SPATA6: variants seen among roughly 807,000 people sequenced by gnomAD.
SPATA6 encodes spermatogenesis-associated protein 6.
A neutral mutation model predicts 65.3 loss-of-function variants in SPATA6; 56 were observed. The observed-to-expected ratio is 0.86, with a 90% CI of 0.69 to 1.07. The LOEUF (loss-of-function observed/expected upper bound fraction) is 1.07. Ranked by LOEUF, SPATA6 falls within the 50% of genes least tolerant of loss-of-function variation. The pLI is 0.00. For synonymous variants in SPATA6, 199 were observed against 213.2 expected (o/e 0.93, Z 0.58); for missense variants, 590 against 594.8 (o/e 0.99, Z 0.08).
At chr1:48,431,464 A>C (rs947126154) in intron 3 of SPATA6, among the ~76,000 whole-genome samples, 1 of 152,130 alleles carries the variant, frequency 6.6e-6, no homozygotes, top group Non-Finnish European at 1.5e-5. Context: ...ACCCACAACA[A>C]CACACATATT....
Position 48,413,099 on chromosome 1 carries a change from A to C in SPATA6, c.280+11T>G, listed in dbSNP as rs751989161. 1 of 1,170,902 alleles carries C rather than the reference A, an allele frequency of 8.5e-7. No homozygotes were observed. The highest frequency in any genetic ancestry group is 1.6e-5 in the African/African-American group (1 of 60,842). The allele number at this position is 1,170,902 out of a possible 1,614,324, so 72.5% of individuals were successfully genotyped here. A position where few individuals can be genotyped will look rare whatever the true frequency, so the allele number is the denominator to read the frequency against. The stretch of plus-strand genomic sequence containing the variant: ...ATCTTATATTGTATATATTACATCA[A>C]TATATATTACCTGGTGGAACTAGCT... On this transcript the variant is annotated intron_variant, in intron 4 of 12. Transcript: ENST00000371847.
intron 3 of SPATA6, among the ~76,000 whole-genome samples, chr1:48,432,115 T>C (rs1654460449): frequency 6.6e-6 from 1 of 151,764 alleles, no homozygotes; most frequent in Non-Finnish European, 1.5e-5. Flanking sequence ...GTCTCAAAAA[T>C]AAATAAATAA....
At position 48,399,467 on chromosome 1, in the gene SPATA6, T is replaced by A. The variant is rs1350043728; in HGVS notation, c.664A>T (p.Thr222Ser). 1 of 1,613,334 alleles carries A rather than the reference T, an allele frequency of 6.2e-7. No individual in the cohort carries two copies. Among genetic ancestry groups the A allele is most frequent in the Admixed American group, 1.7e-5 (1 of 59,922 alleles). The change falls in exon 7 of 13, where the codon ACA becomes TCA. Residue 222 changes from threonine to serine, a missense_variant. Transcript: ENST00000371847. The stretch of plus-strand genomic sequence containing the variant: ...GATAGCTCACACATGCGTCTTTTTG[T>A]GTAGGGAGATGGAGAGTGTGATTTT... The part of the protein sequence containing the change: ...SSKSHSPSPY[T>S]KRRMCELSED...
chr1:48,322,199 A>G (rs143588097), intron 11 of SPATA6, among the ~76,000 whole-genome samples: 159 of 152,246 alleles, frequency 1.0e-3, no homozygotes, highest in African/African-American at 3.7e-3. Flanking sequence ...AAATAAATAA[A>G]GTTGAATTAA....
chr1:48,302,400 T>C (rs1644961067), intron 12 of SPATA6, among the ~76,000 whole-genome samples: 1 of 152,146 alleles, frequency 6.6e-6, no homozygotes, highest in South Asian at 2.1e-4. Flanking sequence ...TTTTAGAATC[T>C]CCAGTGTTTA....
At chr1:48,406,700 A>G (rs1651742702) in intron 5 of SPATA6, among the ~76,000 whole-genome samples, 1 of 152,212 alleles carries the variant, frequency 6.6e-6, no homozygotes, top group African/African-American at 2.4e-5. Flanking sequence ...CCATCATGAT[A>G]TTCACAGCTA....
intron 7 of SPATA6, among the ~76,000 whole-genome samples, chr1:48,397,762 T>C (rs1186190843): frequency 2.0e-5 from 3 of 151,610 alleles, no homozygotes; most frequent in African/African-American, 4.8e-5. Flanking sequence ...ATGTAAGCAA[T>C]CTAAGTATAG....
chr1:48,306,292 C>T (rs1389845790), intron 11 of SPATA6, among the ~76,000 whole-genome samples: 1 of 151,836 alleles, frequency 6.6e-6, no homozygotes, highest in African/African-American at 2.4e-5. Context: ...GCACCTATGA[C>T]TTACAAAGGA....
the SPATA6 span, among the ~76,000 whole-genome samples, chr1:48,286,718 T>C: frequency 6.6e-6 from 1 of 152,148 alleles, no homozygotes; most frequent in Non-Finnish European, 1.5e-5. Flanking sequence ...AAGTAATACC[T>C]GACACTGTGT....
chr1:48,399,714 T>A (rs1650980007), intron 6 of SPATA6, 70 bp from the exon 7 acceptor site: 1 of 1,378,718 alleles, frequency 7.3e-7, no homozygotes, highest in Non-Finnish European at 9.7e-7. Flanking sequence ...GGGGAAAAAA[T>A]TAAAAAGTAA....
chr1:48,402,042 T>C (rs565964029), intron 6 of SPATA6, among the ~76,000 whole-genome samples: 1 of 152,294 alleles, frequency 6.6e-6, no homozygotes, highest in South Asian at 2.1e-4. Context: ...AACCCAGATC[T>C]GTCTGTTTCT....
At chr1:48,340,224 C>T (rs1306071540) in intron 11 of SPATA6, among the ~76,000 whole-genome samples, 1 of 76,994 alleles carries the variant, frequency 1.3e-5, no homozygotes, top group Non-Finnish European at 2.3e-5. Flanking sequence ...CAAAAATTAT[C>T]CACAGTAGGC....
intron 8 of SPATA6, among the ~76,000 whole-genome samples, chr1:48,389,127 A>C (rs1168230922): frequency 6.6e-6 from 1 of 152,134 alleles, no homozygotes; most frequent in Non-Finnish European, 1.5e-5. Context: ...TTACAGGCAT[A>C]AGCCATCGTG....
intron 12 of SPATA6, among the ~76,000 whole-genome samples, chr1:48,302,116 T>C (rs1336240100): frequency 6.6e-6 from 1 of 152,230 alleles, no homozygotes; most frequent in Non-Finnish European, 1.5e-5. Flanking sequence ...TCTTTCCGAT[T>C]CTTTGTTCAA....
rs1644845592 is a variant in SPATA6, at chr1:48,298,027, A to C, written c.*686T>G. The C allele has an allele frequency of 6.6e-6, 1 of 152,214 alleles. No homozygotes were observed. Among genetic ancestry groups the C allele is most frequent in the Non-Finnish European group, 1.5e-5 (1 of 68,024 alleles). The allele number at this position is 152,214 out of a possible 1,614,324, so 9.4% of individuals were successfully genotyped here. A position where few individuals can be genotyped will look rare whatever the true frequency, so the allele number is the denominator to read the frequency against. On this transcript the variant is annotated 3_prime_UTR_variant, in exon 13 of 13. Coordinates refer to ENST00000371847, the MANE Select transcript of SPATA6 (RefSeq NM_019073.4). ...CCCTAGAAAAAAAATCATGCAAAGAATTTTATCTTTAAAAATTAGTTATTC... is the reference window on the plus strand; with the variant it reads ...CCCTAGAAAAAAAATCATGCAAAGACTTTTATCTTTAAAAATTAGTTATTC...
At chr1:48,340,614 A>G (rs888922701) in intron 11 of SPATA6, among the ~76,000 whole-genome samples, 1 of 151,870 alleles carries the variant, frequency 6.6e-6, no homozygotes, top group Non-Finnish European at 1.5e-5. Flanking sequence ...GAACAAAACT[A>G]TCTTATTGTC....
intron 1 of SPATA6, among the ~76,000 whole-genome samples, chr1:48,471,249 G>A (rs1340537649): frequency 1.3e-5 from 2 of 152,172 alleles, no homozygotes; most frequent in Non-Finnish European, 2.9e-5. Context: ...GAGTGAAGGG[G>A]TGGGGTTGCA....
chr1:48,280,731 C>A, the SPATA6 span, among the ~76,000 whole-genome samples: 4 of 152,252 alleles, frequency 2.6e-5, no homozygotes, highest in Non-Finnish European at 4.4e-5. Flanking sequence ...CAGATGGATT[C>A]ACAGCCGAAT....
chr1:48,323,049 G>A (rs1304287275), intron 11 of SPATA6, among the ~76,000 whole-genome samples: 2 of 152,174 alleles, frequency 1.3e-5, no homozygotes, highest in Admixed American at 6.5e-5. Flanking sequence ...AATACCATTT[G>A]ACCCAGCAAT....
Sources: gnomAD v4.1 joint callset for allele counts (sites outside exome capture counted in the v4.1 genomes callset) on GRCh38, gnomAD v4.1.1 for gene constraint, MANE v1.5 for transcripts, NCBI Gene and HGNC (gene_info 2026-07-23, HGNC 2026-07-21) for gene names.